STK33: variants seen among roughly 807,000 people sequenced by gnomAD.
STK33 encodes the protein serine/threonine-protein kinase 33.
A neutral mutation model predicts 58.0 loss-of-function variants in STK33; 52 were observed. That is an observed-to-expected ratio of 0.90 (90% CI 0.72 to 1.13). STK33 has a LOEUF of 1.13. STK33 is among the 50% of genes most tolerant of loss of function. STK33 has a pLI of 0.00. For synonymous variants in STK33, 215 were observed against 200.1 expected, an observed-to-expected ratio of 1.07 and a Z score of -0.63; for missense variants, 630 against 604.2, an observed-to-expected ratio of 1.04 and a Z score of -0.45.
the STK33 span, among the ~76,000 whole-genome samples, chr11:8,381,657 C>T: frequency 6.6e-6 from 1 of 152,182 alleles, no homozygotes; most frequent in Admixed American, 6.5e-5. Context: ...AGCTGGAACA[C>T]CCTGTCCCTG....
intron 6 of STK33, chr11:8,467,386 T>A (rs147159784): frequency 1.3e-5 from 2 of 152,870 alleles, no homozygotes; most frequent in South Asian, 4.1e-4. Context: ...CTCTCAAGTT[T>A]AAAGTTCCAC....
At chr11:8,363,861 A>G in the STK33 span, among the ~76,000 whole-genome samples, 1 of 152,254 alleles carries the variant, frequency 6.6e-6, no homozygotes, top group Non-Finnish European at 1.5e-5. Flanking sequence ...ATGCAATTTT[A>G]GACATCAGAG....
chr11:8,435,181 T>C (rs371243563), intron 14 of STK33, among the ~76,000 whole-genome samples: 30 of 152,340 alleles, frequency 2.0e-4, no homozygotes, highest in African/African-American at 6.3e-4. Flanking sequence ...CACTGAACTA[T>C]ACAGACTGTT....
intron 1 of STK33, among the ~76,000 whole-genome samples, chr11:8,540,658 G>T (rs543944556): frequency 7.2e-5 from 11 of 152,104 alleles, no homozygotes; most frequent in African/African-American, 1.7e-4. Flanking sequence ...AACATCACAG[G>T]CTCTCACTTA....
At chr11:8,357,721 C>T in the STK33 span, among the ~76,000 whole-genome samples, 5 of 152,096 alleles carry the variant, frequency 3.3e-5, no homozygotes, top group African/African-American at 1.2e-4. Flanking sequence ...GGCCCACAGT[C>T]CCCCTCCAGG....
chr11:8,554,473 C>T (rs982109658), intron 1 of STK33, among the ~76,000 whole-genome samples: 1 of 145,208 alleles, frequency 6.9e-6, no homozygotes, highest in African/African-American at 2.5e-5. Flanking sequence ...TCTACAAAGA[C>T]ATACAAACAG....
At chr11:8,530,728 C>T (rs1191237799) in intron 1 of STK33, among the ~76,000 whole-genome samples, 5 of 152,112 alleles carry the variant, frequency 3.3e-5, no homozygotes, top group South Asian at 2.1e-4. Flanking sequence ...CTTGCTCTGT[C>T]GCCCAGGCTG....
intron 14 of STK33, among the ~76,000 whole-genome samples, chr11:8,425,035 G>C (rs1212911911): frequency 1.4e-5 from 2 of 144,682 alleles, no homozygotes; most frequent in African/African-American, 5.2e-5. Context: ...ATTGCTTTTG[G>C]TGTTTTAGAC....
chr11:8,502,098 T>C (rs527380614), intron 1 of STK33, among the ~76,000 whole-genome samples: 1 of 152,132 alleles, frequency 6.6e-6, no homozygotes, highest in East Asian at 1.9e-4. Flanking sequence ...AGTGTGATGA[T>C]TGTACAACCA....
At chr11:8,592,976 G>T (rs1057461974) in intron 1 of STK33, among the ~76,000 whole-genome samples, 2 of 152,214 alleles carry the variant, frequency 1.3e-5, no homozygotes, top group African/African-American at 4.8e-5. Flanking sequence ...TAGGGTAATA[G>T]TAGCAGAGAC....
chr11:8,491,399 G>C (rs1242045623), intron 1 of STK33, among the ~76,000 whole-genome samples: 2 of 152,160 alleles, frequency 1.3e-5, no homozygotes, highest in East Asian at 3.9e-4. Context: ...AGAGAAAAAA[G>C]AGTAAACAGA....
intron 15 of STK33, among the ~76,000 whole-genome samples, chr11:8,410,608 G>A (rs1250120133): frequency 6.6e-6 from 1 of 151,782 alleles, no homozygotes; most frequent in Non-Finnish European, 1.5e-5. Flanking sequence ...AAGTAGTTGG[G>A]ATTATAGGTG....
At chr11:8,460,458 T>C (rs1280748853) in intron 8 of STK33, among the ~76,000 whole-genome samples, 3 of 151,680 alleles carry the variant, frequency 2.0e-5, no homozygotes, top group Non-Finnish European at 4.4e-5. Flanking sequence ...CACAGAGAGA[T>C]TACTGAATTT....
At chr11:8,416,657 C>T (rs1417756161) in intron 14 of STK33, among the ~76,000 whole-genome samples, 1 of 152,160 alleles carries the variant, frequency 6.6e-6, no homozygotes, top group African/African-American at 2.4e-5. Context: ...GGTTCACATA[C>T]ACATACACCC....
intron 14 of STK33, among the ~76,000 whole-genome samples, chr11:8,423,836 T>C (rs567954069): frequency 6.6e-6 from 1 of 152,202 alleles, no homozygotes; most frequent in Admixed American, 6.5e-5. Context: ...AATTTCTCCA[T>C]GCAATGTTGT....
chr11:8,400,477 A>C (rs1437448268), intron 15 of STK33, among the ~76,000 whole-genome samples: 3 of 152,252 alleles, frequency 2.0e-5, no homozygotes, highest in Non-Finnish European at 4.4e-5. Flanking sequence ...TCTCAAAATA[A>C]TAAGAGCTAT....
At chr11:8,373,255 C>T in the STK33 span, among the ~76,000 whole-genome samples, 10 of 152,192 alleles carry the variant, frequency 6.6e-5, no homozygotes, top group African/African-American at 1.4e-4. Flanking sequence ...GGCATTTCAT[C>T]GGCCAAAGTG....
At chr11:8,492,042 G>A (rs563050099) in intron 1 of STK33, among the ~76,000 whole-genome samples, 33 of 152,108 alleles carry the variant, frequency 2.2e-4, no homozygotes, top group Non-Finnish European at 4.4e-4. Flanking sequence ...TCAACTAACA[G>A]GCAAAATAAC....
chr11:8,354,961 T>C, the STK33 span, among the ~76,000 whole-genome samples: 1 of 152,216 alleles, frequency 6.6e-6, no homozygotes, highest in Non-Finnish European at 1.5e-5. Flanking sequence ...AATGCTTCTG[T>C]TTCTGATCTC....
Sources: allele counts gnomAD v4.1 joint callset (sites outside exome capture counted in the v4.1 genomes callset), GRCh38; gene constraint gnomAD v4.1.1; transcripts MANE v1.5; gene names NCBI Gene and HGNC (gene_info 2026-07-23, HGNC 2026-07-21).